Variants in ELF1 observed in about 807,000 individuals in gnomAD.
The protein encoded by ELF1 is E74 like ETS transcription factor 1, also known as ETS-related transcription factor Elf-1.
Under a neutral mutation model 59.9 loss-of-function variants are expected in ELF1, and 24 were observed. The ratio of observed to expected loss-of-function variants is 0.40; its 90% CI spans 0.29 to 0.56. The LOEUF (loss-of-function observed/expected upper bound fraction) is 0.56. Among genes scored for constraint, ELF1 ranks in the 20% least tolerant of loss-of-function variants. ELF1 has a pLI of 0.44. For synonymous variants in ELF1, 248 were observed against 266.2 expected (o/e 0.93, Z 0.67); for missense variants, 627 against 742.2 (o/e 0.84, Z 1.80).
intron 1 of ELF1, among the ~76,000 whole-genome samples, chr13:41,016,147 C>T (rs561179026): frequency 6.6e-6 from 1 of 152,318 alleles, no homozygotes; most frequent in South Asian, 2.1e-4. Flanking sequence ...CACTTGTTAA[C>T]AAGCCCTGTT....
In ELF1 at chr13:40,951,430, G is replaced by T. The variant is rs1357435872; in HGVS notation, c.260C>A (p.Ala87Asp). ...DDDDITLTVE[A>D]SCHDGDETIE... The stretch of plus-strand genomic sequence containing the variant: ...TGTTTCATCCCCGTCATGACAAGAA[G>T]CTTCAACTGCAACACATTTAAAGAG... Residue 87 changes from alanine (A) to aspartate (D), a missense_variant, in exon 4 of 9, where the codon GCT becomes GAT. This residue lies in a region of ELF1 where 232 missense variants were observed against 269.2 expected (regional missense o/e 0.86). Coordinates refer to ENST00000239882, the MANE Select transcript of ELF1 (RefSeq NM_172373.4). The T allele has an allele frequency of 1.2e-6, 2 of 1,613,346 alleles. No homozygotes were observed. The highest frequency in any genetic ancestry group is 8.5e-7 in the Non-Finnish European group (1 of 1,179,710).
intron 7 of ELF1, among the ~76,000 whole-genome samples, chr13:40,942,597 T>C (rs1870246339): frequency 1.3e-5 from 2 of 152,196 alleles, no homozygotes; most frequent in Admixed American, 6.5e-5. Flanking sequence ...TCTGGATCAC[T>C]GCAGCCTCAA....
chr13:41,005,450 CAAAAAA>C (rs11383900), intron 1 of ELF1, among the ~76,000 whole-genome samples: 2 of 55,002 alleles, frequency 3.6e-5, no homozygotes, highest in African/African-American at 7.5e-5. Context: ...TATACCTATC[CAAAAAA>C]AAAAAAAAAA....
At chr13:41,043,700 T>C (rs984737198) in intron 1 of ELF1, among the ~76,000 whole-genome samples, 1 of 152,270 alleles carries the variant, frequency 6.6e-6, no homozygotes, top group African/African-American at 2.4e-5. Context: ...TTTTGCTTAC[T>C]GTAGCCTTGT....
At chr13:40,942,876 ACTTAAGCT>A in intron 7 of ELF1, 68 bp downstream of exon 7, 1 of 1,392,182 alleles carries the variant, frequency 7.2e-7, no homozygotes, top group South Asian at 1.8e-5. Flanking sequence ...GCTTTGCTGA[ACTTAAGCT>A]TAGTATTTTT....
rs775096368 is a variant in ELF1 at position 40,999,541 on chromosome 13, T to TA, written c.-228-17260dup. ...AATTTAGGCATGATTTGAGAAGAAG[T>TA]AAAAAAAGTTGCTGGAGGTTATCAA... On this transcript the variant is annotated intron_variant, in intron 1 of 8. Transcript: ENST00000239882. Among the ~76,000 whole-genome samples the TA allele has an allele frequency of 5.3e-5, 8 of 152,076 alleles. No individual in the cohort carries two copies. In the East Asian group the frequency reaches 1.4e-3, roughly 26 times the overall value.
chr13:41,038,437 A>G (rs1304568548), intron 1 of ELF1, among the ~76,000 whole-genome samples: 4 of 152,012 alleles, frequency 2.6e-5, no homozygotes, highest in Non-Finnish European at 4.4e-5. Flanking sequence ...GGACTGCTTG[A>G]GCCCAGGAGA....
At chr13:41,058,509 T>C (rs1348370637) in intron 1 of ELF1, among the ~76,000 whole-genome samples, 1 of 152,226 alleles carries the variant, frequency 6.6e-6, no homozygotes, top group Non-Finnish European at 1.5e-5. Flanking sequence ...TTCTACGTAA[T>C]GCACAACTAC....
chr13:40,943,411 A>G (rs553965537), intron 6 of ELF1, among the ~76,000 whole-genome samples: 6 of 152,328 alleles, frequency 3.9e-5, no homozygotes, highest in African/African-American at 1.4e-4. Context: ...AGGAGAAAGT[A>G]CTTTGAGATA....
Position 40,943,134 on chromosome 13 carries a change from A to G in ELF1, c.624T>C (p.Ile208=). ...KKNKDGKGNT[I]YLWEFLLALL... is the part of the protein sequence containing the mutation. ...GTGCCAGTAAAAACTCCCAAAGATA[A>G]ATTGTGTTTCCTGAAACAAAAACAA... Residue 208 remains isoleucine (I), a synonymous_variant, in exon 7 of 9, where the codon ATT becomes ATC. Coordinates refer to ENST00000239882, the MANE Select transcript of ELF1 (RefSeq NM_172373.4). 6.6e-7 allele frequency: 1 copy of G among 1,505,476 alleles called. No homozygotes were observed. The highest frequency in any genetic ancestry group is 1.4e-5 in the South Asian group (1 of 73,234). 93.3% of individuals were successfully genotyped at this position (1,505,476 alleles called of 1,614,324 possible).
chr13:40,943,805 G>C, intron 6 of ELF1, 37 bp downstream of exon 6: 1 of 1,564,842 alleles, frequency 6.4e-7, no homozygotes. Context: ...AAAGCAATCT[G>C]AGTGTTATTT....
chr13:40,939,953 G>A (rs1764316684), intron 8 of ELF1, among the ~76,000 whole-genome samples: 2 of 152,146 alleles, frequency 1.3e-5, no homozygotes, highest in South Asian at 4.1e-4. Context: ...GAAGATTTAA[G>A]AGAATATTTT....
chr13:40,968,616 T>A (rs1338556500), intron 2 of ELF1, among the ~76,000 whole-genome samples: 1 of 152,188 alleles, frequency 6.6e-6, no homozygotes, highest in Non-Finnish European at 1.5e-5. Flanking sequence ...TGTGAAGAAT[T>A]CTTCATAGCC....
At chr13:41,060,592 G>A (rs965826396) in intron 1 of ELF1, among the ~76,000 whole-genome samples, 1 of 152,150 alleles carries the variant, frequency 6.6e-6, no homozygotes, top group Non-Finnish European at 1.5e-5. Context: ...AAAAGCCGCA[G>A]CCCAGCTCCT....
At chr13:40,940,092 AT>A (rs1244601920) in intron 8 of ELF1, among the ~76,000 whole-genome samples, 2 of 152,238 alleles carry the variant, frequency 1.3e-5, no homozygotes, top group Non-Finnish European at 2.9e-5. Flanking sequence ...ATTCTGGAAT[AT>A]AAAAATGTAA....
At chr13:40,965,798 T>C (rs1358798472) in intron 2 of ELF1, among the ~76,000 whole-genome samples, 1 of 152,248 alleles carries the variant, frequency 6.6e-6, no homozygotes, top group East Asian at 1.9e-4. Context: ...ATTTGCATCA[T>C]GAAATCTAAT....
At chr13:40,948,153 A>C (rs1046104845) in intron 5 of ELF1, among the ~76,000 whole-genome samples, 2 of 152,188 alleles carry the variant, frequency 1.3e-5, no homozygotes, top group Admixed American at 6.5e-5. Context: ...TGGAGAAAAA[A>C]TTTTTTGGAA....
At chr13:40,935,984 C>T (rs1869743948) in intron 8 of ELF1, among the ~76,000 whole-genome samples, 1 of 152,132 alleles carries the variant, frequency 6.6e-6, no homozygotes, top group Non-Finnish European at 1.5e-5. Flanking sequence ...CTTCCCATGA[C>T]AAGAGTTTAC....
chr13:41,002,816 G>A (rs1000341320), intron 1 of ELF1, among the ~76,000 whole-genome samples: 1 of 152,056 alleles, frequency 6.6e-6, no homozygotes, highest in Non-Finnish European at 1.5e-5. Context: ...TGCTATAGCA[G>A]AAGTGGGCAA....
Sources: gnomAD v4.1 joint callset for allele counts (sites outside exome capture counted in the v4.1 genomes callset) on GRCh38, gnomAD v4.1.1 for gene constraint, gnomAD v4.1.1 regional missense constraint, MANE v1.5 for transcripts, NCBI Gene and HGNC (gene_info 2026-07-23, HGNC 2026-07-21) for gene names.